The following CASD1 variants were observed in gnomAD, a reference collection of about 807,000 sequenced individuals.
CASD1 encodes the protein N-acetylneuraminate (7)9-O-acetyltransferase.
Under a neutral mutation model 100.0 loss-of-function variants are expected in CASD1, and 41 were observed. That is an observed-to-expected ratio of 0.41 (90% confidence interval 0.32 to 0.53). CASD1 has a LOEUF of 0.53. CASD1 is among the 20% of genes least tolerant of loss of function. The pLI, the probability that CASD1 is intolerant of heterozygous loss-of-function variation, is 0.25. For missense variants in CASD1, 774 were observed against 948.7 expected (o/e 0.82, Z 2.42); for synonymous variants, 321 against 315.6 (o/e 1.02, Z -0.18).
chr7:94,617,925 G>A, the CASD1 span: 1 of 152,150 alleles, frequency 6.6e-6, no homozygotes, highest in Non-Finnish European at 1.5e-5. Context: ...GATTATGGGC[G>A]AAGAAGTTGA....
chr7:94,628,841 A>G, the CASD1 span: 991 of 168,750 alleles, frequency 5.9e-3, 7 homozygotes, highest in South Asian at 0.026. Context: ...TTACAAATCC[A>G]TAACAACTGT....
chr7:94,624,449 G>A, the CASD1 span: 2 of 376,712 alleles, frequency 5.3e-6, no homozygotes, highest in Admixed American at 9.0e-5. Flanking sequence ...TATATATTTT[G>A]AAAGGCATAT....
the CASD1 span, chr7:94,618,810 C>T: frequency 2.5e-6 from 4 of 1,613,868 alleles, no homozygotes; most frequent in African/African-American, 1.3e-5. Flanking sequence ...CTGTCTAGGG[C>T]CGATGTGATG....
intron 5 of CASD1, among the ~76,000 whole-genome samples, chr7:94,532,835 G>C (rs1794917644): frequency 6.6e-6 from 1 of 152,048 alleles, no homozygotes; most frequent in South Asian, 2.1e-4. Flanking sequence ...GTACCCTGTA[G>C]GCTTCCATGA....
the CASD1 span, chr7:94,617,058 G>A: frequency 6.6e-6 from 1 of 152,146 alleles, no homozygotes; most frequent in Admixed American, 6.5e-5. Flanking sequence ...GTTAGTGATT[G>A]AATTCTCAAA....
chr7:94,627,642 A>G, the CASD1 span: 1 of 152,328 alleles, frequency 6.6e-6, no homozygotes, highest in Non-Finnish European at 1.5e-5. Context: ...TGTCAAGTAA[A>G]TTCTTTACCT....
chr7:94,588,775 C>T, the CASD1 span: 7 of 1,610,930 alleles, frequency 4.3e-6, no homozygotes, highest in East Asian at 2.2e-5. Context: ...TTTGTTTACA[C>T]ACTTGTAAAC....
At position 94,547,156 on chromosome 7, in the gene CASD1, G is replaced by A; in HGVS notation, c.1694G>A (p.Cys565Tyr). 6.3e-7 allele frequency: 1 copy of A among 1,586,970 alleles called. No individual in the cohort carries two copies. The highest frequency in any genetic ancestry group is 1.2e-5 in the South Asian group (1 of 84,636). Residue 565 changes from cysteine (C) to tyrosine (Y), a missense_variant, in exon 13 of 18, where the codon TGT becomes TAT. Physicochemically the swap from Cys to Tyr is radical, Grantham distance 194. Around this residue, in one of 5 missense-constraint regions of CASD1, gnomAD observed 453 missense variants for 532.6 expected, o/e 0.85. Coordinates refer to ENST00000297273, the MANE Select transcript of CASD1 (RefSeq NM_022900.5). ...LKLGFLLLFICFLAYSQGAFE... is the reference protein window; with the variant it reads ...LKLGFLLLFIYFLAYSQGAFE... Reference sequence around the variant, plus strand: ...CTAGGCTTTTTGCTGTTATTCATATGTTTTTTGGCATATTCTCAGGTTTGT... The same window carrying A: ...CTAGGCTTTTTGCTGTTATTCATATATTTTTTGGCATATTCTCAGGTTTGT...
At chr7:94,618,725 A>G in the CASD1 span, 2 of 1,557,610 alleles carry the variant, frequency 1.3e-6, no homozygotes, top group Non-Finnish European at 1.8e-6. Context: ...TTAAAAATCT[A>G]TATTTAAGGC....
In CASD1 at chr7:94,538,963, A is replaced by G; in HGVS notation, c.1267-4A>G. On this transcript the variant is annotated splice_region_variant and splice_polypyrimidine_tract_variant and intron_variant, in intron 9 of 17. Coordinates refer to ENST00000297273, the MANE Select transcript of CASD1 (RefSeq NM_022900.5). ...TTAAAACAGATTTTGGTTCCTTTAC[A>G]CAGACTAAAGTATTAAATAGAGAAC... The G allele has an allele frequency of 1.9e-6, 3 of 1,557,158 alleles. No individual in the cohort carries two copies. The highest frequency in any genetic ancestry group is 1.1e-5 in the South Asian group (1 of 87,004).
the CASD1 span, chr7:94,618,644 T>C: frequency 1.2e-6 from 1 of 817,222 alleles, no homozygotes; most frequent in Non-Finnish European, 2.0e-6. Context: ...TTACAATATC[T>C]ATTTCTTATT....
chr7:94,585,282 G>T, the CASD1 span: 1 of 487,176 alleles, frequency 2.1e-6, no homozygotes, highest in Non-Finnish European at 3.7e-6. Flanking sequence ...CAAATATAAA[G>T]TCATCAATGT....
chr7:94,551,466 A>G lies in CASD1; in HGVS notation c.1944A>G (p.Val648=), dbSNP rs1795941239. Reference sequence around the variant, plus strand: ...CAAATTTTCTGTTGTTTATTTCAGTAGTTTCTTTCTTGGTAAGTTTTGAAA... The same window carrying G: ...CAAATTTTCTGTTGTTTATTTCAGTGGTTTCTTTCTTGGTAAGTTTTGAAA... The part of the protein sequence containing the change: ...KISNFLLFIS[V]VSFLTYSIWA... Residue 648 remains valine (V), a synonymous_variant, in exon 15 of 18, where the codon GTA becomes GTG. Coordinates refer to ENST00000297273, the MANE Select transcript of CASD1 (RefSeq NM_022900.5). 1.4e-6 allele frequency: 2 copies of G among 1,473,996 alleles called. No individual in the cohort carries two copies. 91.3% of individuals were successfully genotyped at this position (1,473,996 alleles called of 1,614,324 possible). A position where few individuals can be genotyped will look rare whatever the true frequency, so the allele number is the denominator to read the frequency against.
At chr7:94,558,142 A>G (rs1429698225), downstream of CASD1, among the ~76,000 whole-genome samples, 1 of 152,148 alleles carries the variant, frequency 6.6e-6, no homozygotes, top group African/African-American at 2.4e-5. Flanking sequence ...AAAACTTCCC[A>G]TTTTTGTGGG....
At chr7:94,582,903 A>G in the CASD1 span, among the ~76,000 whole-genome samples, 261 of 152,352 alleles carry the variant, frequency 1.7e-3, 1 homozygote, top group Middle Eastern at 3.4e-3. Context: ...TTATAGTAAC[A>G]TATTAGGCAT....
the CASD1 span, among the ~76,000 whole-genome samples, chr7:94,596,964 C>T: frequency 6.6e-6 from 1 of 151,928 alleles, no homozygotes; most frequent in African/African-American, 2.4e-5. Flanking sequence ...TCATAATTTT[C>T]ATCTAAAAAG....
the CASD1 span, chr7:94,621,956 A>T: frequency 1.3e-5 from 2 of 152,172 alleles, no homozygotes; most frequent in Non-Finnish European, 2.9e-5. Context: ...TAAATTTTAA[A>T]CTTGCACATT....
chr7:94,618,841 T>C, the CASD1 span: 6 of 1,614,104 alleles, frequency 3.7e-6, no homozygotes, highest in African/African-American at 6.7e-5. Flanking sequence ...TCAGGCGCTC[T>C]GGCTGCCACA....
the CASD1 span, among the ~76,000 whole-genome samples, chr7:94,613,575 A>C: frequency 6.6e-6 from 1 of 152,146 alleles, no homozygotes; most frequent in African/African-American, 2.4e-5. Context: ...TTATCCCAAC[A>C]ATTCAATTTC....
Sources: allele counts gnomAD v4.1 joint callset (sites outside exome capture counted in the v4.1 genomes callset), GRCh38; gene constraint gnomAD v4.1.1; regional missense constraint gnomAD v4.1.1; transcripts MANE v1.5; gene names NCBI Gene and HGNC (gene_info 2026-07-23, HGNC 2026-07-21).